Variants in CNGB3 observed in about 807,000 individuals in gnomAD.
CNGB3 encodes cyclic nucleotide-gated channel beta-3.
Under a neutral mutation model 92.8 loss-of-function variants are expected in CNGB3, and 86 were observed. The observed-to-expected ratio is 0.93, with a 90% CI of 0.78 to 1.11. CNGB3 has a LOEUF of 1.11. CNGB3 is among the 50% of genes least tolerant of loss of function. CNGB3 has a pLI of 0.00. For synonymous variants in CNGB3, 333 were observed against 332.7 expected (o/e 1.00, Z -0.01); for missense variants, 1,026 against 956.8 (o/e 1.07, Z -0.95).
chr8:86,578,169 A>G (rs1218858403), intron 17 of CNGB3, among the ~76,000 whole-genome samples: 1 of 152,144 alleles, frequency 6.6e-6, no homozygotes, highest in South Asian at 2.1e-4. Context: ...TTGGTCTCCC[A>G]AAGTGCTGGG....
intron 15 of CNGB3, among the ~76,000 whole-genome samples, chr8:86,594,744 C>T (rs1055136607): frequency 2.0e-5 from 3 of 148,132 alleles, no homozygotes; most frequent in Non-Finnish European, 4.4e-5. Flanking sequence ...GAGTCTCGCT[C>T]TGTCACCAGG....
At chr8:86,704,957 G>A (rs1474609627) in intron 3 of CNGB3, among the ~76,000 whole-genome samples, 5 of 152,082 alleles carry the variant, frequency 3.3e-5, no homozygotes, top group Non-Finnish European at 1.5e-5. Context: ...GAGGTCACCA[G>A]CAACCCACGA....
intron 17 of CNGB3, among the ~76,000 whole-genome samples, chr8:86,577,686 T>C (rs1449116118): frequency 1.3e-5 from 2 of 152,218 alleles, no homozygotes; most frequent in African/African-American, 4.8e-5. Flanking sequence ...TTCATTATAT[T>C]GAACTCATGC....
chr8:86,669,560 CAT>C (rs1390454077), intron 4 of CNGB3, among the ~76,000 whole-genome samples: 7 of 152,212 alleles, frequency 4.6e-5, no homozygotes, highest in African/African-American at 1.7e-4. Context: ...TACCCTCACA[CAT>C]GTCACACACA....
At chr8:86,646,357 C>T (rs1823292184) in intron 8 of CNGB3, among the ~76,000 whole-genome samples, 1 of 149,680 alleles carries the variant, frequency 6.7e-6, no homozygotes, top group African/African-American at 2.4e-5. Context: ...AATATCAGAG[C>T]AGAGAAAAAA....
rs1448518260 is a variant in CNGB3 at position 86,693,630 on chromosome 8, A to G, written c.339-22532T>C. Reference sequence around the variant, plus strand: ...TTTGTGTCCCTGGGTACTTAAGATTAGGGAGTGGTGATGACTCTTAACGAG... The same window carrying G: ...TTTGTGTCCCTGGGTACTTAAGATTGGGGAGTGGTGATGACTCTTAACGAG... On this transcript the variant is annotated intron_variant, in intron 3 of 17. Coordinates refer to ENST00000320005, the MANE Select transcript of CNGB3 (RefSeq NM_019098.5). 4.0e-5 allele frequency among the ~76,000 whole-genome samples: 6 copies of G among 150,498 alleles called. No homozygotes were observed. The South Asian group carries it at 1.3e-3, about 32-fold the overall frequency.
chr8:86,636,302 C>T (rs1563735587), intron 10 of CNGB3, among the ~76,000 whole-genome samples: 2 of 151,900 alleles, frequency 1.3e-5, no homozygotes, highest in East Asian at 1.9e-4. Context: ...CCGGGCATGG[C>T]GGCTCACACC....
At chr8:86,599,938 C>T (rs1050421884) in intron 15 of CNGB3, among the ~76,000 whole-genome samples, 6 of 152,184 alleles carry the variant, frequency 3.9e-5, no homozygotes, top group Admixed American at 3.9e-4. Context: ...ACTCCCTCCC[C>T]TTTTGAAAAT....
chr8:86,741,741 G>T (rs11785126), intron 1 of CNGB3, among the ~76,000 whole-genome samples: 39,715 of 152,000 alleles, frequency 0.26, 5,287 homozygotes, highest in South Asian at 0.39. Flanking sequence ...ATGGCTGTTG[G>T]AATGGCATGG....
At chr8:86,631,170 A>T (rs1452920870) in intron 11 of CNGB3, among the ~76,000 whole-genome samples, 1 of 152,178 alleles carries the variant, frequency 6.6e-6, no homozygotes, top group Non-Finnish European at 1.5e-5. Flanking sequence ...AGCACTTTTC[A>T]AACATTCGTG....
At chr8:86,653,601 G>T (rs991800333) in intron 7 of CNGB3, among the ~76,000 whole-genome samples, 9 of 152,062 alleles carry the variant, frequency 5.9e-5, no homozygotes, top group Non-Finnish European at 1.0e-4. Context: ...CTAAACAATT[G>T]CTTCTCTTCT....
chr8:86,716,455 A>G (rs1436286786), intron 3 of CNGB3, among the ~76,000 whole-genome samples: 3 of 152,342 alleles, frequency 2.0e-5, no homozygotes, highest in Middle Eastern at 3.4e-3. Flanking sequence ...AAAAAATCTT[A>G]AGAGCTCTGA....
Position 86,593,712 on chromosome 8 carries a change from C to G in CNGB3, c.1781+10381G>C. 2.3e-5 allele frequency: 19 copies of G among 835,836 alleles called. 1 individual carries two copies. The South Asian group carries it at 2.6e-4, about 11-fold the overall frequency. 51.8% of individuals were successfully genotyped at this position (835,836 alleles called of 1,614,324 possible). The stretch of plus-strand genomic sequence containing the variant: ...TCACTAGGCACGCTGAGGGCCAGGC[C>G]TGTCGTCCAGCAGTGGTGGGGGTGG... On this transcript the variant is annotated intron_variant, in intron 15 of 17. Coordinates refer to ENST00000320005, the MANE Select transcript of CNGB3 (RefSeq NM_019098.5).
chr8:86,693,988 G>A (rs1244985116), intron 3 of CNGB3, among the ~76,000 whole-genome samples: 11 of 151,420 alleles, frequency 7.3e-5, no homozygotes, highest in Admixed American at 4.6e-4. Flanking sequence ...GGTGGTGGCC[G>A]GGCAGAGGGG....
intron 2 of CNGB3, among the ~76,000 whole-genome samples, chr8:86,739,422 T>C (rs768906816): frequency 1.3e-5 from 2 of 152,184 alleles, no homozygotes; most frequent in Non-Finnish European, 2.9e-5. Flanking sequence ...CTCCAGCCCA[T>C]GGAACAGTGC....
intron 15 of CNGB3, among the ~76,000 whole-genome samples, chr8:86,587,892 G>C (rs1456044857): frequency 6.6e-6 from 1 of 152,128 alleles, no homozygotes; most frequent in Non-Finnish European, 1.5e-5. Flanking sequence ...TTGGTAGCTT[G>C]ATGGGGATTG....
At chr8:86,581,010 G>T (rs1222428571) in intron 15 of CNGB3, among the ~76,000 whole-genome samples, 1 of 151,190 alleles carries the variant, frequency 6.6e-6, no homozygotes, top group Non-Finnish European at 1.5e-5. Context: ...TTCTGTTGTT[G>T]CAGAAAAGGG....
chr8:86,626,186 C>G, intron 12 of CNGB3, 106 bp from the exon 13 acceptor site: 1 of 794,354 alleles, frequency 1.3e-6, no homozygotes, highest in Non-Finnish European at 2.2e-6. Flanking sequence ...AAAATGCAAA[C>G]ACTTTTTATA....
intron 15 of CNGB3, chr8:86,594,600 A>C (rs1822127477): frequency 4.0e-6 from 1 of 252,518 alleles, no homozygotes; most frequent in African/African-American, 2.3e-5. Flanking sequence ...AGAGGGATGC[A>C]AAGCGCAGGG....
Sources: gnomAD v4.1 joint callset for allele counts (sites outside exome capture counted in the v4.1 genomes callset) on GRCh38, gnomAD v4.1.1 for gene constraint, MANE v1.5 for transcripts, NCBI Gene and HGNC (gene_info 2026-07-23, HGNC 2026-07-21) for gene names.